Variants in NAV1 observed in about 807,000 individuals in gnomAD.
NAV1 encodes pore membrane and/or filament interacting like protein 3.
Under a neutral mutation model 175.2 loss-of-function variants are expected in NAV1, and 18 were observed. The observed-to-expected ratio is 0.10, with a 90% CI of 0.07 to 0.15. NAV1 has a LOEUF of 0.15. Among genes scored for constraint, NAV1 ranks in the 10% least tolerant of loss-of-function variants. The pLI is 1.00. For synonymous variants in NAV1, 897 were observed against 978.7 expected (o/e 0.92, Z 1.56); for missense variants, 1,731 against 2,436.6 (o/e 0.71, Z 6.10).
chr1:201,765,381 C>CTTTTTTTTTTTTTTTTTTTTTT (rs59583786), intron 3 of NAV1, among the ~76,000 whole-genome samples: 8 of 98,616 alleles, frequency 8.1e-5, no homozygotes, highest in East Asian at 3.2e-4. Flanking sequence ...AGGAAATATT[C>CTTTTTTTTTTTTTTTTTTTTTT]TTTTTTTTTT....
intron 3 of NAV1, among the ~76,000 whole-genome samples, chr1:201,751,860 G>C (rs750873312): frequency 6.6e-6 from 1 of 152,190 alleles, no homozygotes; most frequent in African/African-American, 2.4e-5. Flanking sequence ...TGTTTCTCTG[G>C]AATAAGATCT....
At chr1:201,793,685 G>C in intron 13 of NAV1, 107 bp from the exon 18 acceptor site, 1 of 939,488 alleles carries the variant, frequency 1.1e-6, no homozygotes, top group Non-Finnish European at 1.7e-6. Flanking sequence ...GCTGGCATTG[G>C]TCAGCTCCGA....
At chr1:201,635,280 C>T (rs753000596) in intron 2 of NAV1, among the ~76,000 whole-genome samples, 6 of 151,936 alleles carry the variant, frequency 3.9e-5, no homozygotes, top group Non-Finnish European at 8.8e-5. Flanking sequence ...CTCCTGACCT[C>T]GCGATCTGCC....
chr1:201,617,945 C>G (rs1413087768), upstream of NAV1, among the ~76,000 whole-genome samples: 1 of 152,124 alleles, frequency 6.6e-6, no homozygotes, highest in African/African-American at 2.4e-5. Context: ...GAAACAGAGC[C>G]TCAGAGCAAG....
chr1:201,669,454 G>A (rs1326828944), intron 1 of NAV1, among the ~76,000 whole-genome samples: 7 of 152,198 alleles, frequency 4.6e-5, no homozygotes, highest in Non-Finnish European at 1.0e-4. Context: ...CCACCGAGGT[G>A]GCAGTGGTGC....
intron 3 of NAV1, among the ~76,000 whole-genome samples, chr1:201,729,431 G>A (rs1190539089): frequency 6.6e-6 from 1 of 151,786 alleles, no homozygotes; most frequent in African/African-American, 2.4e-5. Flanking sequence ...ACTTGAGGTC[G>A]GGAGTTCGAG....
intron 1 of NAV1, among the ~76,000 whole-genome samples, chr1:201,663,644 G>A (rs1200659315): frequency 1.3e-4 from 20 of 152,218 alleles, no homozygotes; most frequent in Admixed American, 1.2e-3. Context: ...GGACATCTGG[G>A]GAGGAACGAG....
intron 2 of NAV1, among the ~76,000 whole-genome samples, chr1:201,598,517 A>G (rs558621728): frequency 6.6e-6 from 1 of 152,282 alleles, no homozygotes; most frequent in African/African-American, 2.4e-5. Flanking sequence ...TGTCCTGGTG[A>G]GGAATCGGAA....
intron 1 of NAV1, among the ~76,000 whole-genome samples, chr1:201,571,365 A>G (rs1666538854): frequency 6.6e-6 from 1 of 152,240 alleles, no homozygotes. Context: ...AATAAATGAC[A>G]GCTCCCTTTC....
intron 3 of NAV1, among the ~76,000 whole-genome samples, chr1:201,764,582 T>A (rs1675077989): frequency 6.6e-6 from 1 of 152,208 alleles, no homozygotes; most frequent in African/African-American, 2.4e-5. Context: ...GAGTTACAGC[T>A]GTAACACATA....
intron 3 of NAV1, among the ~76,000 whole-genome samples, chr1:201,751,584 C>T (rs1031772832): frequency 6.6e-6 from 1 of 152,104 alleles, no homozygotes; most frequent in African/African-American, 2.4e-5. Context: ...AAGCAATAAC[C>T]GGTTATGAAA....
rs1678767942 is a variant in NAV1, at chr1:201,812,726, A to C, written c.5221+65A>C. 3 of 1,411,616 alleles carry C rather than the reference A, an allele frequency of 2.1e-6. No homozygotes were observed. Among genetic ancestry groups the C allele is most frequent in the Admixed American group, 3.5e-5 (2 of 57,200 alleles). 87.4% of individuals were successfully genotyped at this position (1,411,616 alleles called of 1,614,324 possible). ...TTCCCTTTTCCACTGTACCACCTGG[A>C]GGGATGCTCCCTTCTCTTCCTGGAG... On this transcript the variant is annotated intron_variant, in intron 27 of 29. Transcript: ENST00000367296. The surrounding 1 kb of genome is among the most constrained non-coding windows in gnomAD (Gnocchi z 4.6).
intron 2 of NAV1, among the ~76,000 whole-genome samples, chr1:201,715,165 CTTTTT>C (rs34382311): frequency 1.0e-4 from 14 of 133,948 alleles, no homozygotes; most frequent in Middle Eastern, 3.9e-3. Context: ...TTTTATGGCT[CTTTTT>C]TTTTTTTTTT....
At chr1:201,583,996 G>A (rs1242606117) in intron 1 of NAV1, among the ~76,000 whole-genome samples, 5 of 152,174 alleles carry the variant, frequency 3.3e-5, no homozygotes, top group Non-Finnish European at 5.9e-5. Flanking sequence ...AATCCAACTG[G>A]ATCATCTCCA....
At position 201,539,610 on chromosome 1, in the gene NAV1, G is replaced by T. The variant is rs986010297; in HGVS notation, c.-144+268G>T. ...GTTTGATTCTAGAGTTGACTCTCCG[G>T]GGGGGCTGCCTAACTTCAGTCCCTC... On this transcript the variant is annotated intron_variant, in intron 1 of 33. Transcript: ENST00000685211. This position sits in a 1 kb window ranked among gnomAD's most constrained non-coding sequence, Gnocchi z 5.6. Among the ~76,000 whole-genome samples the T allele has an allele frequency of 1.1e-4, 17 of 152,240 alleles. No homozygotes were observed. The East Asian group carries it at 3.3e-3, about 29-fold the overall frequency.
At chr1:201,747,985 C>T (rs761636163) in intron 3 of NAV1, among the ~76,000 whole-genome samples, 17 of 152,140 alleles carry the variant, frequency 1.1e-4, no homozygotes, top group Non-Finnish European at 1.3e-4. Flanking sequence ...GGATTCATGC[C>T]GAACAACTTT....
In NAV1 at chr1:201,813,061, G is replaced by A. The variant is rs766737133; in HGVS notation, c.5222-79G>A. ...TTTGACTGTCAGACCCCTCTGCCTG[G>A]TACTAAGGAGTAAAAGAGGCACACA... On this transcript the variant is annotated intron_variant, in intron 27 of 29. Coordinates refer to ENST00000367296, the Ensembl canonical transcript of NAV1. This position sits in a 1 kb window ranked among gnomAD's most constrained non-coding sequence, Gnocchi z 4.2. 6.6e-4 allele frequency: 670 copies of A among 1,021,580 alleles called. 2 individuals carry two copies. The highest frequency in any genetic ancestry group is 9.4e-4 in the Non-Finnish European group (615 of 657,108). 63.3% of individuals were successfully genotyped at this position (1,021,580 alleles called of 1,614,324 possible).
At chr1:201,585,091 G>T (rs138887458) in intron 1 of NAV1, among the ~76,000 whole-genome samples, 8 of 152,266 alleles carry the variant, frequency 5.3e-5, no homozygotes, top group East Asian at 1.9e-4. Flanking sequence ...TTTCGCAGGG[G>T]CCTGATCTTC....
Position 201,740,094 on chromosome 1 carries a change from C to G in NAV1, c.1226+21339C>G, listed in dbSNP as rs368434731. ...CCCCGCAGGTAAGCGCCCCCACCCC[C>G]CTGGCCTCACCGCCAGACCGCAGAG... On this transcript the variant is annotated intron_variant, in intron 3 of 29. Transcript: ENST00000367296. This position sits in a 1 kb window ranked among gnomAD's most constrained non-coding sequence, Gnocchi z 4.7. 2.0e-4 allele frequency: 285 copies of G among 1,439,742 alleles called. 1 individual carries two copies. In the East Asian group the frequency reaches 5.5e-3, roughly 28 times the overall value. The allele number at this position is 1,439,742 out of a possible 1,614,324, so 89.2% of individuals were successfully genotyped here. A position where few individuals can be genotyped will look rare whatever the true frequency, so the allele number is the denominator to read the frequency against.
Sources: allele counts gnomAD v4.1 joint callset (sites outside exome capture counted in the v4.1 genomes callset), GRCh38; gene constraint gnomAD v4.1.1; non-coding constraint Gnocchi (gnomAD v3.1); transcripts MANE v1.5; gene names NCBI Gene and HGNC (gene_info 2026-07-23, HGNC 2026-07-21).